The following COL4A2 variants were observed in gnomAD, a reference collection of about 807,000 sequenced individuals.
COL4A2 encodes collagen alpha-2(IV) chain.
A neutral mutation model predicts 200.2 loss-of-function variants in COL4A2; 99 were observed. The ratio of observed to expected loss-of-function variants is 0.49; its 90% CI spans 0.42 to 0.58. The LOEUF (loss-of-function observed/expected upper bound fraction) is 0.58. COL4A2 is among the 20% of genes least tolerant of loss of function. COL4A2 has a pLI of 0.00. For synonymous variants in COL4A2, 897 were observed against 900.6 expected, an observed-to-expected ratio of 1.00 and a Z score of 0.07; for missense variants, 1,950 against 2,314.1, an observed-to-expected ratio of 0.84 and a Z score of 3.23.
At chr13:110,438,433 C>G (rs749806029) in intron 14 of COL4A2, 185 bp from the exon 15 acceptor site, 2 of 790,754 alleles carry the variant, frequency 2.5e-6, no homozygotes, top group African/African-American at 3.4e-5. Context: ...GGTGACAGCC[C>G]GGGAAGGCTG....
intron 3 of COL4A2, among the ~76,000 whole-genome samples, chr13:110,311,395 GTCCC>G (rs1884978528): frequency 6.6e-6 from 1 of 152,166 alleles, no homozygotes; most frequent in Admixed American, 6.5e-5. Context: ...TGACACAGGG[GTCCC>G]ATCCCAGACT....
Position 110,506,869 on chromosome 13 carries a change from G to A in COL4A2, c.4594+263G>A, listed in dbSNP as rs150220920. Among the ~76,000 whole-genome samples, 576 of 152,184 alleles carry A rather than the reference G, an allele frequency of 3.8e-3. 1 individual carries two copies. The highest frequency in any genetic ancestry group is 0.014 in the Middle Eastern group (4 of 294). On this transcript the variant is annotated intron_variant, in intron 46 of 47. Coordinates refer to ENST00000360467, the MANE Select transcript of COL4A2 (RefSeq NM_001846.4). ...ACTTCCGCAGGCTCCCATGTGACCC[G>A]TCTGACCCCCGACCCCTCTCCAGTG...
intron 3 of COL4A2, among the ~76,000 whole-genome samples, chr13:110,331,062 C>CT (rs151273825): frequency 0.25 from 37,146 of 151,032 alleles, 5,069 homozygotes; most frequent in East Asian, 0.46. Flanking sequence ...TTCCATGCAG[C>CT]TTTTTTTTTA....
chr13:110,462,255 T>C (rs1566547565), intron 23 of COL4A2, 23 bp from the exon 24 acceptor site: 4 of 1,614,114 alleles, frequency 2.5e-6, no homozygotes, highest in Non-Finnish European at 3.4e-6. Context: ...CCTGGGCAGC[T>C]TCACATGCAA....
At position 110,506,310 on chromosome 13, in the gene COL4A2, T is replaced by TCTCTCC. The variant is rs1883870096; in HGVS notation, c.4403-100_4403-99insCCTCTC. ...TGCAGGTGCACCAGGCCGTCCACTC[T>TCTCTCC]CTCTCTCTCTCTCAGGCTGTAGGTG... is the stretch of plus-strand genomic sequence containing the variant. On this transcript the variant is annotated intron_variant, in intron 45 of 47. Transcript: ENST00000360467. 14 of 1,148,452 alleles carry TCTCTCC rather than the reference T, an allele frequency of 1.2e-5. No homozygotes were observed. In the African/African-American group the frequency reaches 2.3e-4, roughly 19 times the overall value. 71.1% of individuals were successfully genotyped at this position (1,148,452 alleles called of 1,614,324 possible).
At chr13:110,478,770 CT>C (rs1308030414) in intron 30 of COL4A2, among the ~76,000 whole-genome samples, 1 of 151,798 alleles carries the variant, frequency 6.6e-6, no homozygotes, top group Non-Finnish European at 1.5e-5. Flanking sequence ...ACTTTCCCCC[CT>C]TTTTGTTTTG....
At chr13:110,438,138 C>A in intron 14 of COL4A2, 101 bp downstream of exon 14, 1 of 868,544 alleles carries the variant, frequency 1.2e-6, no homozygotes, top group South Asian at 1.5e-5. Flanking sequence ...GCCCGCACAC[C>A]GCCAGTCTCT....
intron 32 of COL4A2, among the ~76,000 whole-genome samples, chr13:110,484,660 G>A (rs138613395): frequency 5.3e-5 from 8 of 152,200 alleles, no homozygotes; most frequent in African/African-American, 7.2e-5. Context: ...TGGCAGGCAC[G>A]TCCCCCTACT....
intron 3 of COL4A2, among the ~76,000 whole-genome samples, chr13:110,314,152 G>A (rs1374813603): frequency 6.6e-6 from 1 of 152,248 alleles, no homozygotes; most frequent in Admixed American, 6.5e-5. Flanking sequence ...AGTTTTCACA[G>A]AAATGTGCCA....
chr13:110,401,577 A>G (rs1349486745), intron 4 of COL4A2, among the ~76,000 whole-genome samples: 1 of 152,214 alleles, frequency 6.6e-6, no homozygotes, highest in Non-Finnish European at 1.5e-5. Flanking sequence ...GTAGCTTGAT[A>G]TCATTAGAAA....
chr13:110,465,924 C>T, intron 25 of COL4A2, 79 bp from the exon 26 acceptor site: 5 of 1,532,156 alleles, frequency 3.3e-6, no homozygotes, highest in Non-Finnish European at 4.5e-6. Context: ...CACCTTCACA[C>T]ACGTGCACGC....
intron 20 of COL4A2, among the ~76,000 whole-genome samples, chr13:110,451,619 A>ACTG (rs1881540525): frequency 6.6e-6 from 1 of 152,220 alleles, no homozygotes; most frequent in Non-Finnish European, 1.5e-5. Context: ...CTCACTCACT[A>ACTG]TCGTGAGAAC....
chr13:110,474,735 A>G lies in COL4A2; in HGVS notation c.2425+1585A>G, dbSNP rs985785742. 1.7e-5 allele frequency among the ~76,000 whole-genome samples: 2 copies of G among 116,572 alleles called. 1 individual carries two copies. Among genetic ancestry groups the G allele is most frequent in the African/African-American group, 6.6e-5 (2 of 30,414 alleles). 76.5% of individuals were successfully genotyped at this position (116,572 alleles called of 152,430 possible). On this transcript the variant is annotated intron_variant, in intron 29 of 47. Coordinates refer to ENST00000360467, the MANE Select transcript of COL4A2 (RefSeq NM_001846.4). The stretch of plus-strand genomic sequence containing the variant: ...CACATGATCACACACGCACGTACCC[A>G]CACACGTGCCGTGCACACTCACACA...
intron 3 of COL4A2, among the ~76,000 whole-genome samples, chr13:110,341,699 T>G (rs964099324): frequency 2.6e-5 from 4 of 152,336 alleles, no homozygotes; most frequent in South Asian, 2.1e-4. Flanking sequence ...CAGGATTGAT[T>G]CTTTACTTCT....
At chr13:110,324,582 G>A (rs907278056) in intron 3 of COL4A2, among the ~76,000 whole-genome samples, 1 of 152,234 alleles carries the variant, frequency 6.6e-6, no homozygotes. Context: ...ACGGATGCAC[G>A]TTTGACTCAG....
At chr13:110,369,729 C>T (rs1052259112) in intron 4 of COL4A2, among the ~76,000 whole-genome samples, 9 of 152,094 alleles carry the variant, frequency 5.9e-5, no homozygotes, top group Non-Finnish European at 1.0e-4. Flanking sequence ...CTTACAAATA[C>T]GCACTAACTC....
intron 4 of COL4A2, among the ~76,000 whole-genome samples, chr13:110,415,259 A>T (rs1188214040): frequency 6.6e-6 from 1 of 152,230 alleles, no homozygotes; most frequent in Non-Finnish European, 1.5e-5. Context: ...CACACCAAAA[A>T]AAGTGAATTT....
At chr13:110,411,315 C>A (rs1217049103) in intron 4 of COL4A2, among the ~76,000 whole-genome samples, 2 of 152,218 alleles carry the variant, frequency 1.3e-5, no homozygotes, top group African/African-American at 4.8e-5. Flanking sequence ...TTTAGAAAAT[C>A]TTCCTAATGC....
intron 3 of COL4A2, among the ~76,000 whole-genome samples, chr13:110,336,026 C>G (rs990965728): frequency 2.6e-5 from 4 of 152,182 alleles, no homozygotes; most frequent in Admixed American, 2.0e-4. Context: ...TTACTTCTAA[C>G]CCACCTTTCC....
Sources: gnomAD v4.1 joint callset for allele counts (sites outside exome capture counted in the v4.1 genomes callset) on GRCh38, gnomAD v4.1.1 for gene constraint, MANE v1.5 for transcripts, NCBI Gene and HGNC (gene_info 2026-07-23, HGNC 2026-07-21) for gene names.